The following WSCD2 variants were observed in gnomAD, a reference collection of about 807,000 sequenced individuals.
The protein encoded by WSCD2 is WSC domain sialate O sulfotransferase 2.
Under a neutral mutation model 55.7 loss-of-function variants are expected in WSCD2, and 28 were observed. That is an observed-to-expected ratio of 0.50 (90% CI 0.37 to 0.69). WSCD2 has a LOEUF of 0.69. WSCD2 is among the 30% of genes least tolerant of loss of function. WSCD2 has a pLI of 0.00. For synonymous variants in WSCD2, 301 were observed against 301.9 expected (o/e 1.00, Z 0.03); for missense variants, 616 against 762.1 (o/e 0.81, Z 2.26).
In WSCD2 at chr12:108,248,974, T is replaced by G. The variant is rs1352881782; in HGVS notation, c.*631T>G. 1.1e-5 allele frequency: 10 copies of G among 947,088 alleles called. No individual in the cohort carries two copies. Among genetic ancestry groups the G allele is most frequent in the Non-Finnish European group, 1.3e-5 (10 of 794,762 alleles). 58.7% of individuals were successfully genotyped at this position (947,088 alleles called of 1,614,324 possible). ...TGGAGACACCATGTGGGGCCATTGG[T>G]GTTATGAGCCCCCCAGGCCACACTG... is the stretch of plus-strand genomic sequence containing the variant. On this transcript the variant is annotated 3_prime_UTR_variant, in exon 9 of 9. Coordinates refer to ENST00000547525, the MANE Select transcript of WSCD2 (RefSeq NM_014653.4). The surrounding 1 kb of genome is among the most constrained non-coding windows in gnomAD (Gnocchi z 4.3).
At position 108,248,565 on chromosome 12, in the gene WSCD2, G is replaced by A; in HGVS notation, c.*222G>A. On this transcript the variant is annotated 3_prime_UTR_variant, in exon 9 of 9. Transcript: ENST00000547525. This position sits in a 1 kb window ranked among gnomAD's most constrained non-coding sequence, Gnocchi z 4.3. ...GCTCACATGTTCCCCCCTTGGCAAT[G>A]TGGGGCATCTTGTTTAGGGGGTTCT... 7.3e-7 allele frequency: 1 copy of A among 1,361,606 alleles called. No homozygotes were observed. Among genetic ancestry groups the A allele is most frequent in the South Asian group, 1.9e-5 (1 of 53,672 alleles). The allele number at this position is 1,361,606 out of a possible 1,614,324, so 84.3% of individuals were successfully genotyped here.
At chr12:108,238,658 A>G (rs746146924) in intron 7 of WSCD2, among the ~76,000 whole-genome samples, 2 of 152,198 alleles carry the variant, frequency 1.3e-5, no homozygotes, top group Admixed American at 1.3e-4. Context: ...GACCCATTTT[A>G]CAGATGAGGA....
chr12:108,229,148 C>T (rs1190149541), intron 6 of WSCD2, among the ~76,000 whole-genome samples: 1 of 152,174 alleles, frequency 6.6e-6, no homozygotes, highest in African/African-American at 2.4e-5. Context: ...GGAGGTTTGA[C>T]AGTTATGTGG....
At chr12:108,183,653 T>A (rs1209421071) in intron 1 of WSCD2, among the ~76,000 whole-genome samples, 4 of 152,140 alleles carry the variant, frequency 2.6e-5, no homozygotes, top group Non-Finnish European at 5.9e-5. Flanking sequence ...GCTCTGAGCA[T>A]TCAGAGGAGA....
intron 1 of WSCD2, among the ~76,000 whole-genome samples, chr12:108,165,979 C>A (rs962301296): frequency 1.9e-4 from 29 of 152,270 alleles, no homozygotes; most frequent in African/African-American, 7.0e-4. Context: ...TAGCACCAAA[C>A]TGAGATTTTT....
chr12:108,155,028 G>C (rs1306609185), intron 1 of WSCD2, among the ~76,000 whole-genome samples: 1 of 152,182 alleles, frequency 6.6e-6, no homozygotes, highest in Non-Finnish European at 1.5e-5. Flanking sequence ...TTGTGGAAAG[G>C]ATTCTGAAAG....
At chr12:108,197,965 C>T (rs1884149892) in intron 2 of WSCD2, among the ~76,000 whole-genome samples, 1 of 148,824 alleles carries the variant, frequency 6.7e-6, no homozygotes, top group Non-Finnish European at 1.5e-5. Flanking sequence ...GTTTGCATAG[C>T]TCCCTTCTTC....
intron 1 of WSCD2, among the ~76,000 whole-genome samples, chr12:108,155,757 G>T (rs1392283744): frequency 3.3e-5 from 5 of 152,202 alleles, no homozygotes; most frequent in Admixed American, 1.3e-4. Context: ...TCTATGCAAA[G>T]AGCACAGCCC....
At chr12:108,153,231 A>T (rs776162999) in intron 1 of WSCD2, among the ~76,000 whole-genome samples, 3 of 152,232 alleles carry the variant, frequency 2.0e-5, no homozygotes, top group Non-Finnish European at 4.4e-5. Flanking sequence ...CTTTCAAGAG[A>T]CCTAGAGACT....
chr12:108,175,293 G>A (rs1880671551), intron 1 of WSCD2, among the ~76,000 whole-genome samples: 1 of 152,180 alleles, frequency 6.6e-6, no homozygotes, highest in Non-Finnish European at 1.5e-5. Flanking sequence ...GCTGGGAAAT[G>A]CTGGGACATG....
intron 8 of WSCD2, 49 bp downstream of exon 8, chr12:108,240,593 AG>A: frequency 1.1e-5 from 1 of 90,592 alleles, no homozygotes; most frequent in South Asian, 6.0e-5. Context: ...TTCGGGCTGC[AG>A]GGGGCGGTGG....
intron 1 of WSCD2, among the ~76,000 whole-genome samples, chr12:108,182,466 C>G (rs1051325213): frequency 6.6e-6 from 1 of 152,200 alleles, no homozygotes; most frequent in South Asian, 2.1e-4. Flanking sequence ...TGAGACAGGT[C>G]TCAATCAGTT....
At chr12:108,133,319 C>A (rs57603237) in intron 1 of WSCD2, among the ~76,000 whole-genome samples, 1 of 152,184 alleles carries the variant, frequency 6.6e-6, no homozygotes, top group Non-Finnish European at 1.5e-5. Context: ...TTTTGTCTCA[C>A]GTATGAGTGA....
chr12:108,231,501 C>T (rs1028615766), intron 6 of WSCD2, among the ~76,000 whole-genome samples: 1 of 152,216 alleles, frequency 6.6e-6, no homozygotes, highest in East Asian at 1.9e-4. Flanking sequence ...ATGGTACTCA[C>T]CACATCCCAA....
chr12:108,205,147 C>G (rs1448113254), intron 2 of WSCD2, among the ~76,000 whole-genome samples: 1 of 152,148 alleles, frequency 6.6e-6, no homozygotes, highest in Non-Finnish European at 1.5e-5. Flanking sequence ...TCAATGTTCT[C>G]CACTTCACAT....
chr12:108,179,571 C>A (rs1450923455), intron 1 of WSCD2, among the ~76,000 whole-genome samples: 1 of 152,222 alleles, frequency 6.6e-6, no homozygotes, highest in East Asian at 1.9e-4. Context: ...GGCAATTGTA[C>A]ATGAGATTCC....
intron 7 of WSCD2, 45 bp from the exon 8 acceptor site, chr12:108,240,299 T>G (rs1359148311): frequency 6.2e-7 from 1 of 1,606,624 alleles, no homozygotes; most frequent in Non-Finnish European, 8.5e-7. Flanking sequence ...GGCTTCTTGC[T>G]TCCCCAGCTC....
intron 7 of WSCD2, among the ~76,000 whole-genome samples, chr12:108,239,515 C>T (rs192379507): frequency 5.3e-5 from 8 of 152,268 alleles, no homozygotes; most frequent in African/African-American, 1.9e-4. Context: ...AGCAGAGCTC[C>T]CTCATGGAGA....
Position 108,248,987 on chromosome 12 carries a change from C to A in WSCD2, c.*644C>A. On this transcript the variant is annotated 3_prime_UTR_variant, in exon 9 of 9. Transcript: ENST00000547525. The surrounding 1 kb of genome is among the most constrained non-coding windows in gnomAD (Gnocchi z 4.3). ...TGGGGCCATTGGTGTTATGAGCCCCCCAGGCCACACTGCTTCTCAGAAATG... is the reference window on the plus strand; with the variant it reads ...TGGGGCCATTGGTGTTATGAGCCCCACAGGCCACACTGCTTCTCAGAAATG... 1.7e-5 allele frequency: 15 copies of A among 875,392 alleles called. No homozygotes were observed. The highest frequency in any genetic ancestry group is 1.9e-5 in the Non-Finnish European group (14 of 729,284). The allele number at this position is 875,392 out of a possible 1,614,324, so 54.2% of individuals were successfully genotyped here. A position where few individuals can be genotyped will look rare whatever the true frequency, so the allele number is the denominator to read the frequency against.
Sources: allele counts gnomAD v4.1 joint callset (sites outside exome capture counted in the v4.1 genomes callset), GRCh38; gene constraint gnomAD v4.1.1; non-coding constraint Gnocchi (gnomAD v3.1); transcripts MANE v1.5; gene names NCBI Gene and HGNC (gene_info 2026-07-23, HGNC 2026-07-21).